LUZP2: variants seen among roughly 807,000 people sequenced by gnomAD.
LUZP2 encodes leucine zipper protein 2.
A neutral mutation model predicts 51.6 loss-of-function variants in LUZP2; 52 were observed. The observed-to-expected ratio is 1.01, with a 90% CI of 0.81 to 1.27. LUZP2 has a LOEUF of 1.27. LUZP2 is among the 50% of genes most tolerant of loss of function. The probability of loss-of-function intolerance (pLI) is 0.00; values close to 1 mark genes in which losing one functional copy is unlikely to be tolerated. For missense variants in LUZP2, 436 were observed against 395.4 expected, an observed-to-expected ratio of 1.10 and a Z score of -0.87; for synonymous variants, 154 against 137.3, an observed-to-expected ratio of 1.12 and a Z score of -0.85.
intron 9 of LUZP2, among the ~76,000 whole-genome samples, chr11:24,996,820 C>G (rs1856516958): frequency 6.6e-6 from 1 of 151,980 alleles, no homozygotes. Context: ...TTCCTGTGTC[C>G]ATGTGTTCTC....
At chr11:25,019,492 A>C (rs182045977) in intron 9 of LUZP2, among the ~76,000 whole-genome samples, 1 of 152,080 alleles carries the variant, frequency 6.6e-6, no homozygotes, top group Non-Finnish European at 1.5e-5. Context: ...TTATTTATGA[A>C]TTTTTAATTA....
At chr11:24,559,262 C>T (rs1433247399) in intron 1 of LUZP2, among the ~76,000 whole-genome samples, 1 of 151,938 alleles carries the variant, frequency 6.6e-6, no homozygotes, top group African/African-American at 2.4e-5. Flanking sequence ...GTCCTGGAAA[C>T]ATTAAAAACA....
At chr11:24,742,050 A>C (rs1256565017) in intron 4 of LUZP2, among the ~76,000 whole-genome samples, 1 of 98,548 alleles carries the variant, frequency 1.0e-5, no homozygotes, top group Non-Finnish European at 1.9e-5. Context: ...CATAAAAATA[A>C]ATATAATTAT....
At chr11:24,521,033 C>T (rs1410828369) in intron 1 of LUZP2, among the ~76,000 whole-genome samples, 2 of 152,094 alleles carry the variant, frequency 1.3e-5, no homozygotes, top group Admixed American at 6.6e-5. Context: ...ATGGGTGTTG[C>T]CATTTGGTGT....
chr11:24,535,042 A>G (rs1309289138), intron 1 of LUZP2, among the ~76,000 whole-genome samples: 1 of 151,432 alleles, frequency 6.6e-6, no homozygotes, highest in East Asian at 1.9e-4. Context: ...CCCAGTACAT[A>G]TAGAAGTTAT....
At chr11:24,957,713 T>C (rs75442178) in intron 7 of LUZP2, among the ~76,000 whole-genome samples, 2,583 of 152,306 alleles carry the variant, frequency 0.017, 41 homozygotes, top group South Asian at 0.086. Context: ...TCCTTGTTTA[T>C]ATATAACACA....
rs61308017 is a variant in LUZP2 at position 24,788,180 on chromosome 11, A to ATT, written c.396+24896_396+24897dup. ...AGATGCCTATTTCTTTTTGTTTTTAATTTTTTTTTTTTTTTTTTTTTTTTT... is the reference window on the plus strand; with the variant it reads ...AGATGCCTATTTCTTTTTGTTTTTAATTTTTTTTTTTTTTTTTTTTTTTTTTT... On this transcript the variant is annotated intron_variant, in intron 5 of 11. Transcript: ENST00000336930. Among the ~76,000 whole-genome samples the ATT allele has an allele frequency of 3.1e-3, 259 of 83,378 alleles. 3 individuals are homozygous for ATT. Among genetic ancestry groups the ATT allele is most frequent in the African/African-American group, 9.7e-3 (221 of 22,756 alleles). 54.7% of individuals were successfully genotyped at this position (83,378 alleles called of 152,430 possible).
Position 24,621,410 on chromosome 11 carries a change from T to C in LUZP2, c.63-107759T>C, listed in dbSNP as rs189098868. Among the ~76,000 whole-genome samples the C allele has an allele frequency of 2.8e-3, 419 of 152,234 alleles. 3 individuals are homozygous for C. The highest frequency in any genetic ancestry group is 9.3e-3 in the African/African-American group (387 of 41,536). ...TTGTGGAGACAGGTAAATCTATTTTTTTTTATGAAGTCAGTGAATTTTAAT... is the reference window on the plus strand; with the variant it reads ...TTGTGGAGACAGGTAAATCTATTTTCTTTTATGAAGTCAGTGAATTTTAAT... On this transcript the variant is annotated intron_variant, in intron 1 of 11. Coordinates refer to ENST00000336930, the MANE Select transcript of LUZP2 (RefSeq NM_001009909.4).
intron 5 of LUZP2, among the ~76,000 whole-genome samples, chr11:24,776,289 A>C (rs1439029968): frequency 6.6e-6 from 1 of 152,192 alleles, no homozygotes; most frequent in Admixed American, 6.5e-5. Flanking sequence ...AAACCTTTTC[A>C]AATTGGACTA....
At chr11:24,855,726 G>T (rs1015310794) in intron 5 of LUZP2, among the ~76,000 whole-genome samples, 3 of 152,090 alleles carry the variant, frequency 2.0e-5, no homozygotes, top group African/African-American at 7.2e-5. Context: ...TATAACACAG[G>T]CTATAGTAAT....
At chr11:24,978,132 G>A (rs1855931483) in intron 8 of LUZP2, among the ~76,000 whole-genome samples, 1 of 151,358 alleles carries the variant, frequency 6.6e-6, no homozygotes, top group Non-Finnish European at 1.5e-5. Context: ...AAAATAGAGG[G>A]GAGCTTGCCC....
intron 9 of LUZP2, among the ~76,000 whole-genome samples, chr11:25,002,285 T>C (rs960733124): frequency 7.2e-5 from 11 of 152,128 alleles, no homozygotes; most frequent in Non-Finnish European, 1.5e-4. Flanking sequence ...TGAACTTCCA[T>C]CGTTATATAG....
intron 7 of LUZP2, among the ~76,000 whole-genome samples, chr11:24,971,420 G>T (rs887620904): frequency 2.6e-5 from 4 of 152,042 alleles, no homozygotes; most frequent in African/African-American, 4.8e-5. Context: ...CTGCTGTGCT[G>T]CCCAGTTCCT....
At chr11:24,888,339 A>G (rs577215403) in intron 5 of LUZP2, among the ~76,000 whole-genome samples, 1 of 152,260 alleles carries the variant, frequency 6.6e-6, no homozygotes, top group South Asian at 2.1e-4. Flanking sequence ...GGGTATGATT[A>G]TATTCCAATT....
chr11:24,528,539 G>A (rs1850891654), intron 1 of LUZP2, among the ~76,000 whole-genome samples: 1 of 150,968 alleles, frequency 6.6e-6, no homozygotes, highest in Admixed American at 6.6e-5. Flanking sequence ...TAAGTTTTAG[G>A]GTACACGTGC....
intron 7 of LUZP2, among the ~76,000 whole-genome samples, chr11:24,947,128 A>G (rs1221835010): frequency 6.6e-6 from 1 of 152,034 alleles, no homozygotes; most frequent in Non-Finnish European, 1.5e-5. Flanking sequence ...ATAAACAGTC[A>G]ATTTCCATAT....
chr11:24,602,094 ATATATGTG>A (rs1330545329), intron 1 of LUZP2, among the ~76,000 whole-genome samples: 2 of 127,592 alleles, frequency 1.6e-5, no homozygotes, highest in South Asian at 2.4e-4. Flanking sequence ...GTATATATGT[ATATATGTG>A]TATATGTGTA....
intron 1 of LUZP2, among the ~76,000 whole-genome samples, chr11:24,520,752 A>G (rs1043698048): frequency 3.3e-5 from 5 of 152,210 alleles, no homozygotes; most frequent in African/African-American, 1.2e-4. Flanking sequence ...TTGCCATAGC[A>G]GTGAAACAGT....
intron 7 of LUZP2, among the ~76,000 whole-genome samples, chr11:24,971,750 G>T (rs1855743397): frequency 2.6e-5 from 4 of 152,014 alleles, no homozygotes; most frequent in Admixed American, 6.6e-5. Context: ...GTATCTGCAA[G>T]TCCTTTTATT....
Sources: gnomAD v4.1 joint callset for allele counts (sites outside exome capture counted in the v4.1 genomes callset) on GRCh38, gnomAD v4.1.1 for gene constraint, MANE v1.5 for transcripts, NCBI Gene and HGNC (gene_info 2026-07-23, HGNC 2026-07-21) for gene names.